Variants in ZNF677 observed in about 807,000 individuals in gnomAD.
The protein encoded by ZNF677 is hypothetical protein MGC48625.
ZNF677 carries 5 observed loss-of-function variants against 8.1 expected under a neutral mutation model. That is an observed-to-expected ratio of 0.62 (90% confidence interval 0.32 to 1.29). ZNF677 has a LOEUF of 1.29. Among genes scored for constraint, ZNF677 ranks in the 50% most tolerant of loss-of-function variants. ZNF677 has a pLI of 0.05. For missense variants in ZNF677, 685 were observed against 685.9 expected, an observed-to-expected ratio of 1.00 and a Z score of 0.01; for synonymous variants, 221 against 225.6, an observed-to-expected ratio of 0.98 and a Z score of 0.18.
intron 3 of ZNF677, among the ~76,000 whole-genome samples, chr19:53,251,056 A>AACAC (rs1182552287): frequency 6.6e-6 from 1 of 152,254 alleles, no homozygotes; most frequent in Non-Finnish European, 1.5e-5. Flanking sequence ...TTAGAGCCAG[A>AACAC]AACACACTGA....
chr19:53,243,794 T>A lies in ZNF677; in HGVS notation c.119A>T (p.Asn40Ile). The change falls in exon 4 of 5, where the codon AAC becomes ATC. Residue 40 changes from asparagine to isoleucine, a missense_variant. By Grantham distance (149) the Asn-to-Ile change is moderately radical. Transcript: ENST00000598513. ...ATCGAGAGAAAGCAGGTTCCTGTAG[T>A]TCTCCAACATCACGTCCCTGTACAA... ...RALYRDVMLE[N>I]YRNLLSLDED... 6.2e-7 allele frequency: 1 copy of A among 1,614,186 alleles called. No homozygotes were observed. The highest frequency in any genetic ancestry group is 8.5e-7 in the Non-Finnish European group (1 of 1,180,034).
chr19:53,253,223 T>C (rs1036595119), intron 1 of ZNF677, 67 bp from the exon 2 acceptor site: 1 of 151,958 alleles, frequency 6.6e-6, no homozygotes, highest in South Asian at 2.1e-4. Flanking sequence ...TAGAAGAAAA[T>C]CCCCTGTATA....
chr19:53,250,487 C>T (rs1599924986), intron 3 of ZNF677, among the ~76,000 whole-genome samples: 1 of 152,186 alleles, frequency 6.6e-6, no homozygotes, highest in African/African-American at 2.4e-5. Context: ...CCACGGAATA[C>T]TATGTAGCCA....
At position 53,237,891 on chromosome 19, in the gene ZNF677, G is replaced by C; in HGVS notation, c.836C>G (p.Thr279Ser). 2 of 1,613,254 alleles carry C rather than the reference G, an allele frequency of 1.2e-6. No individual in the cohort carries two copies. Among genetic ancestry groups the C allele is most frequent in the Non-Finnish European group, 1.7e-6 (2 of 1,179,996 alleles). ...GKAFSKSSNLTNHQRIHSGQR... is the reference protein window; with the variant it reads ...GKAFSKSSNLSNHQRIHSGQR... ...TCCAGAGTGAATTCTCTGATGATTAGTGAGGTTCGAACTTTTGCTAAAAGC... is the reference window on the plus strand; with the variant it reads ...TCCAGAGTGAATTCTCTGATGATTACTGAGGTTCGAACTTTTGCTAAAAGC... The change falls in exon 5 of 5, where the codon ACT becomes AGT. Residue 279 changes from threonine to serine, a missense_variant. Thr to Ser is a moderately conservative substitution (Grantham distance 58). Coordinates refer to ENST00000598513, the MANE Select transcript of ZNF677 (RefSeq NM_182609.4).
chr19:53,242,412 G>A (rs773506334), intron 4 of ZNF677: 23 of 398,464 alleles, frequency 5.8e-5, no homozygotes, highest in Non-Finnish European at 9.3e-5. Flanking sequence ...GAGGCAGTGT[G>A]CTCTGTCCAC....
chr19:53,242,024 C>T (rs905266220), intron 4 of ZNF677: 303 of 394,008 alleles, frequency 7.7e-4, no homozygotes, highest in Non-Finnish European at 1.1e-3. Context: ...CTCTGCCTCT[C>T]GGGTTCAAGC....
In ZNF677 at chr19:53,235,887, T is replaced by C. The variant is rs1228880950; in HGVS notation, c.*1085A>G. ...CACAAACCCCCATGCTCTTATAGTA[T>C]ATTGTATATTAGTGTTCTTGGCTGG... On this transcript the variant is annotated 3_prime_UTR_variant, in exon 5 of 5. Coordinates refer to ENST00000598513, the MANE Select transcript of ZNF677 (RefSeq NM_182609.4). 1.4e-4 allele frequency: 21 copies of C among 152,274 alleles called. 1 individual carries two copies. The highest frequency in any genetic ancestry group is 1.4e-3 in the Admixed American group (21 of 15,278). 9.4% of individuals were successfully genotyped at this position (152,274 alleles called of 1,614,324 possible).
In ZNF677 at chr19:53,236,833, A is replaced by G; in HGVS notation, c.*139T>C. Reference sequence around the variant, plus strand: ...TTCCACAAGGCTTGAACTTTGGATAAGCCTTGCCATACATGTTATCTTTGT... The same window carrying G: ...TTCCACAAGGCTTGAACTTTGGATAGGCCTTGCCATACATGTTATCTTTGT... On this transcript the variant is annotated 3_prime_UTR_variant, in exon 5 of 5. Coordinates refer to ENST00000598513, the MANE Select transcript of ZNF677 (RefSeq NM_182609.4). 1.4e-6 allele frequency: 1 copy of G among 738,302 alleles called. No individual in the cohort carries two copies. Among genetic ancestry groups the G allele is most frequent in the Non-Finnish European group, 2.0e-6 (1 of 487,982 alleles). 45.7% of individuals were successfully genotyped at this position (738,302 alleles called of 1,614,324 possible).
intron 4 of ZNF677, chr19:53,239,773 A>G (rs1187642075): frequency 6.6e-6 from 1 of 152,228 alleles, no homozygotes; most frequent in Admixed American, 6.5e-5. Context: ...ATTGATGTAA[A>G]TCCTCTTGAG....
At chr19:53,248,141 C>A (rs1370922391) in intron 3 of ZNF677, among the ~76,000 whole-genome samples, 1 of 151,982 alleles carries the variant, frequency 6.6e-6, no homozygotes, top group Non-Finnish European at 1.5e-5. Flanking sequence ...TTAACGGTTG[C>A]CCTGGGAATT....
intron 3 of ZNF677, 61 bp from the exon 4 acceptor site, chr19:53,243,958 T>C (rs929683993): frequency 4.7e-6 from 7 of 1,496,670 alleles, no homozygotes; most frequent in Non-Finnish European, 5.4e-6. Context: ...TCACACAAAA[T>C]GGCAGAAAAG....
chr19:53,238,062 TTGA>T lies in ZNF677; in HGVS notation c.662_664del (p.Ile221del), dbSNP rs2090994027. The T allele has an allele frequency of 3.1e-6, 5 of 1,614,116 alleles. No homozygotes were observed. The East Asian group carries it at 1.1e-4, about 36-fold the overall frequency. Reference sequence around the variant, plus strand: ...AGGAAGTGGTGAAACTGAGGAACTATTGATAGACTTCTCAACTGGATTACATTC... The same window carrying T: ...AGGAAGTGGTGAAACTGAGGAACTATTAGACTTCTCAACTGGATTACATTC... On this transcript the variant is annotated inframe_deletion, in exon 5 of 5. Transcript: ENST00000598513.
At chr19:53,251,442 AG>A in intron 3 of ZNF677, 93 bp downstream of exon 3, 1 of 1,001,302 alleles carries the variant, frequency 1.0e-6, no homozygotes, top group Non-Finnish European at 1.6e-6. Context: ...CATATTAGTC[AG>A]GACACTTCAG....
chr19:53,246,669 G>A (rs964017454), intron 3 of ZNF677, among the ~76,000 whole-genome samples: 2 of 152,046 alleles, frequency 1.3e-5, no homozygotes, highest in African/African-American at 4.8e-5. Context: ...CTTATATGAG[G>A]AACTGAAAAC....
rs749325213 is a variant in ZNF677, at chr19:53,238,257, T to G, written c.470A>C (p.Gln157Pro). 1 of 1,614,056 alleles carries G rather than the reference T, an allele frequency of 6.2e-7. No individual in the cohort carries two copies. Among genetic ancestry groups the G allele is most frequent in the Non-Finnish European group, 8.5e-7 (1 of 1,179,942 alleles). ...QSVSIRDSAH[Q>P]YFIHDKPFIR... ...AAATGGCTTGTCATGGATGAAATAC[T>G]GGTGTGCACTATCTCTTATAGAAAC... The change falls in exon 5 of 5, where the codon CAG becomes CCG. Residue 157 changes from glutamine to proline, a missense_variant. Physicochemically the swap from Gln to Pro is moderately conservative, Grantham distance 76. Coordinates refer to ENST00000598513, the MANE Select transcript of ZNF677 (RefSeq NM_182609.4).
At chr19:53,244,329 C>A (rs929715067) in intron 3 of ZNF677, among the ~76,000 whole-genome samples, 4 of 152,102 alleles carry the variant, frequency 2.6e-5, no homozygotes, top group Non-Finnish European at 4.4e-5. Context: ...TGTCACTGCA[C>A]CCCAGTCAGG....
chr19:53,247,652 G>A (rs1214085702), intron 3 of ZNF677, among the ~76,000 whole-genome samples: 2 of 151,980 alleles, frequency 1.3e-5, no homozygotes, highest in African/African-American at 2.4e-5. Context: ...AAATATTTGG[G>A]GTGTTGATAT....
chr19:53,249,212 A>G (rs1313722012), intron 3 of ZNF677: 3 of 152,196 alleles, frequency 2.0e-5, no homozygotes, highest in Non-Finnish European at 2.9e-5. Flanking sequence ...CGTTTACTTC[A>G]GCTCTCTAAG....
At chr19:53,241,678 T>C in intron 4 of ZNF677, 1 of 389,202 alleles carries the variant, frequency 2.6e-6, no homozygotes, top group Non-Finnish European at 4.5e-6. Context: ...GAAGCACTTA[T>C]CCCTCCGGCT....
Sources: allele counts gnomAD v4.1 joint callset (sites outside exome capture counted in the v4.1 genomes callset), GRCh38; gene constraint gnomAD v4.1.1; transcripts MANE v1.5; gene names NCBI Gene and HGNC (gene_info 2026-07-23, HGNC 2026-07-21).